SPG7: variants seen among roughly 807,000 people sequenced by gnomAD.
SPG7 encodes the protein SPG7 matrix AAA peptidase subunit, paraplegin, also known as mitochondrial inner membrane m-AAA protease component paraplegin.
SPG7 carries 103 observed loss-of-function variants against 81.9 expected under a neutral mutation model. The ratio of observed to expected loss-of-function variants is 1.26; its 90% CI spans 1.07 to 1.48. The LOEUF (loss-of-function observed/expected upper bound fraction) is 1.48. Among genes scored for constraint, SPG7 ranks in the 40% most tolerant of loss-of-function variants. The probability of loss-of-function intolerance (pLI) is 0.00; values close to 1 mark genes in which losing one functional copy is unlikely to be tolerated. For synonymous variants in SPG7, 534 were observed against 444.2 expected (o/e 1.20, Z -2.54); for missense variants, 1,241 against 1,087.3 (o/e 1.14, Z -1.99).
intron 3 of SPG7, chr16:89,523,504 A>G: frequency 2.9e-6 from 1 of 349,894 alleles, no homozygotes; most frequent in Non-Finnish European, 5.7e-6. Flanking sequence ...ACTCCAAGCA[A>G]CTGGATTCAT....
chr16:89,548,795 C>T, intron 12 of SPG7: 1 of 382,800 alleles, frequency 2.6e-6, no homozygotes, highest in South Asian at 1.9e-5. Flanking sequence ...CGTGATCAGT[C>T]ATCTCATGGA....
At chr16:89,549,080 G>A in intron 12 of SPG7, 1 of 456,336 alleles carries the variant, frequency 2.2e-6, no homozygotes, top group Non-Finnish European at 4.4e-6. Context: ...CTCTCCGACA[G>A]CCCTGCGGGT....
At chr16:89,527,753 A>G (rs2058283667) in intron 5 of SPG7, among the ~76,000 whole-genome samples, 1 of 152,158 alleles carries the variant, frequency 6.6e-6, no homozygotes, top group South Asian at 2.1e-4. Flanking sequence ...TTGACTTGTA[A>G]TCTCTGAAGA....
At chr16:89,527,129 G>A (rs1041057933) in intron 5 of SPG7, 1 of 160,708 alleles carries the variant, frequency 6.2e-6, no homozygotes, top group Non-Finnish European at 1.4e-5. Context: ...ATACTTTAGG[G>A]AATAATGACA....
At chr16:89,542,596 G>A (rs749476680) in intron 9 of SPG7, among the ~76,000 whole-genome samples, 32 of 152,276 alleles carry the variant, frequency 2.1e-4, no homozygotes, top group Middle Eastern at 3.4e-3. Flanking sequence ...ATTCGGGAGC[G>A]ATTTGCTTGG....
intron 3 of SPG7, among the ~76,000 whole-genome samples, chr16:89,514,140 T>C (rs2058059095): frequency 6.6e-6 from 1 of 152,052 alleles, no homozygotes; most frequent in Non-Finnish European, 1.5e-5. Context: ...GTTTCTGGCT[T>C]TAGGCTCATC....
chr16:89,539,418 G>A (rs1007312595), intron 9 of SPG7: 3 of 152,390 alleles, frequency 2.0e-5, no homozygotes, highest in African/African-American at 4.8e-5. Flanking sequence ...AGAATCGCTT[G>A]AACCCGGGAG....
chr16:89,554,208 C>T (rs1283935138), intron 15 of SPG7, among the ~76,000 whole-genome samples: 1 of 143,054 alleles, frequency 7.0e-6, no homozygotes, highest in Non-Finnish European at 1.5e-5. Context: ...ATACACCGAG[C>T]AATAGACCCA....
rs1339444929 is a variant in SPG7, at chr16:89,544,403, G to A, written c.1325-245G>A. 2.4e-5 allele frequency: 11 copies of A among 467,124 alleles called. No individual in the cohort carries two copies. The East Asian group carries it at 2.6e-4, about 11-fold the overall frequency. The allele number at this position is 467,124 out of a possible 1,614,324, so 28.9% of individuals were successfully genotyped here. A position where few individuals can be genotyped will look rare whatever the true frequency, so the allele number is the denominator to read the frequency against. On this transcript the variant is annotated intron_variant, in intron 9 of 16. Transcript: ENST00000645818. ...GCTCCAGGATGCTGTAGGAGCTCCCGGAGGGCCTTGGACAGTTCTGCTGTT... is the reference window on the plus strand; with the variant it reads ...GCTCCAGGATGCTGTAGGAGCTCCCAGAGGGCCTTGGACAGTTCTGCTGTT...
chr16:89,557,491 G>A lies in SPG7; in HGVS notation c.*398G>A, dbSNP rs148314733. On this transcript the variant is annotated 3_prime_UTR_variant, in exon 17 of 17. Transcript: ENST00000645818. The stretch of plus-strand genomic sequence containing the variant: ...CCGCCCCAGTTCCTGTGGCTCCCTC[G>A]GAATGCTAAGGGGATCGGACATGAA... The A allele has an allele frequency of 2.8e-3, 763 of 276,918 alleles. 3 individuals are homozygous for A. The highest frequency in any genetic ancestry group is 0.015 in the African/African-American group (683 of 45,450). 17.2% of individuals were successfully genotyped at this position (276,918 alleles called of 1,614,324 possible). A position where few individuals can be genotyped will look rare whatever the true frequency, so the allele number is the denominator to read the frequency against.
At chr16:89,525,966 T>C (rs1305894679) in intron 4 of SPG7, among the ~76,000 whole-genome samples, 3 of 152,158 alleles carry the variant, frequency 2.0e-5, no homozygotes, top group African/African-American at 7.2e-5. Context: ...GAGTGGAAAA[T>C]AGAAAGTCTA....
chr16:89,554,370 C>A (rs2058666616), intron 15 of SPG7, 116 bp from the exon 16 acceptor site: 1 of 755,432 alleles, frequency 1.3e-6, no homozygotes, highest in Non-Finnish European at 2.3e-6. Flanking sequence ...GCTGAGGAGT[C>A]CTGTTCCTCC....
chr16:89,508,943 GC>G (rs1567892191), intron 1 of SPG7: 1 of 518,714 alleles, frequency 1.9e-6, no homozygotes, highest in Admixed American at 2.3e-5. Context: ...TACAGTCCAC[GC>G]CTGTGGATCG....
rs529733640 is a variant in SPG7, at chr16:89,548,606, C to T, written c.1663+493C>T. Reference sequence around the variant, plus strand: ...CACCACCTCTGGTGAAACTCATGGTCCCGACCGTCAGTAGGAACGGGAGAT... The same window carrying T: ...CACCACCTCTGGTGAAACTCATGGTTCCGACCGTCAGTAGGAACGGGAGAT... On this transcript the variant is annotated intron_variant, in intron 12 of 16. Transcript: ENST00000645818. 1,123 of 314,686 alleles carry T rather than the reference C, an allele frequency of 3.6e-3. 4 individuals carry two copies. The highest frequency in any genetic ancestry group is 4.9e-3 in the Admixed American group (106 of 21,830). The allele number at this position is 314,686 out of a possible 1,614,324, so 19.5% of individuals were successfully genotyped here.
At chr16:89,542,565 G>A (rs2058508848) in intron 9 of SPG7, among the ~76,000 whole-genome samples, 1 of 152,226 alleles carries the variant, frequency 6.6e-6, no homozygotes, top group Non-Finnish European at 1.5e-5. Context: ...GAATGGTTGT[G>A]TCTTTCAAAG....
rs1342121253 is a variant in SPG7 at position 89,546,989 on chromosome 16, C to A, written c.1552+229C>A. The A allele has an allele frequency of 2.3e-5, 12 of 531,642 alleles. No individual in the cohort carries two copies. In the South Asian group the frequency reaches 2.3e-4, roughly 10 times the overall value. 32.9% of individuals were successfully genotyped at this position (531,642 alleles called of 1,614,324 possible). On this transcript the variant is annotated intron_variant, in intron 11 of 16. Coordinates refer to ENST00000645818, the MANE Select transcript of SPG7 (RefSeq NM_003119.4). ...CGGGGTGGAAAAGCAGACGGTGGTTCCCGGTCTGTGTTGTTTCCAGAGATA... is the reference window on the plus strand; with the variant it reads ...CGGGGTGGAAAAGCAGACGGTGGTTACCGGTCTGTGTTGTTTCCAGAGATA...
intron 3 of SPG7, among the ~76,000 whole-genome samples, chr16:89,516,213 T>C (rs2058094310): frequency 6.7e-6 from 1 of 150,152 alleles, no homozygotes; most frequent in African/African-American, 2.5e-5. Context: ...GTCTCAAACT[T>C]CTCACCTCAG....
chr16:89,531,814 A>G (rs2058346147), intron 7 of SPG7, 90 bp from the exon 8 acceptor site: 12 of 1,376,734 alleles, frequency 8.7e-6, no homozygotes, highest in South Asian at 8.3e-5. Context: ...ACTGCACTCC[A>G]GCCTGCGTGA....
chr16:89,508,699 G>C, intron 1 of SPG7, 99 bp downstream of exon 1: 2 of 1,229,510 alleles, frequency 1.6e-6, no homozygotes, highest in Non-Finnish European at 2.2e-6. Context: ...CCCCTGCGGC[G>C]GGGGAGCCTG....
Sources: gnomAD v4.1 joint callset for allele counts (sites outside exome capture counted in the v4.1 genomes callset) on GRCh38, gnomAD v4.1.1 for gene constraint, MANE v1.5 for transcripts, NCBI Gene and HGNC (gene_info 2026-07-23, HGNC 2026-07-21) for gene names.